Variants in TNFRSF17 observed in about 807,000 individuals in gnomAD.
TNFRSF17 encodes tumor necrosis factor receptor superfamily member 17.
In TNFRSF17, 13 loss-of-function variants were observed where a neutral mutation model predicts 9.9. The ratio of observed to expected loss-of-function variants is 1.31; its 90% CI spans 0.85 to 2.08. The LOEUF (loss-of-function observed/expected upper bound fraction) is 2.08, where lower values mean the gene tolerates loss of function less well. TNFRSF17 is among the 30% of genes most tolerant of loss of function. The pLI, the probability that TNFRSF17 is intolerant of heterozygous loss-of-function variation, is 0.00. For synonymous variants in TNFRSF17, 99 were observed against 83.7 expected (o/e 1.18, Z -1.00); for missense variants, 305 against 225.8 (o/e 1.35, Z -2.25).
intron 1 of TNFRSF17, 117 bp downstream of exon 1, chr16:11,965,571 A>G: frequency 9.2e-7 from 1 of 1,087,856 alleles, no homozygotes; most frequent in Non-Finnish European, 1.3e-6. Flanking sequence ...AATCAAAAAG[A>G]GAAAGGAAGC....
chr16:11,966,225 C>T lies in TNFRSF17; in HGVS notation c.161C>T (p.Ala54Val), dbSNP rs11570146. 198 of 1,613,336 alleles carry T rather than the reference C, an allele frequency of 1.2e-4. No individual in the cohort carries two copies. The African/African-American group carries it at 2.3e-3, about 18-fold the overall frequency. Residue 54 changes from alanine to valine, a missense_variant, in exon 2 of 3, where the codon GCG (alanine) becomes GTG (valine). Transcript: ENST00000053243. ...SVTNSVKGTN[A>V]ILWTCLGLSL... The stretch of plus-strand genomic sequence containing the variant: ...ACCAATTCAGTGAAAGGAACGAATG[C>T]GATTCTCTGGACCTGTTTGGGACTG...
chr16:11,967,209 C>T, intron 2 of TNFRSF17: 1 of 208,446 alleles, frequency 4.8e-6, no homozygotes, highest in East Asian at 1.2e-4. Flanking sequence ...ATCATGTTGG[C>T]CAGGATGGTC....
chr16:11,966,419 G>GCGTTGA, intron 2 of TNFRSF17, 78 bp downstream of exon 2: 1 of 1,448,928 alleles, frequency 6.9e-7, no homozygotes. Flanking sequence ...TCTTTTTTTA[G>GCGTTGA]CGTTGACTAT....
chr16:11,966,789 G>A lies in TNFRSF17; in HGVS notation c.277+448G>A, dbSNP rs149275706. On this transcript the variant is annotated intron_variant, in intron 2 of 2. Coordinates refer to ENST00000053243, the MANE Select transcript of TNFRSF17 (RefSeq NM_001192.3). ...TTTACTACTGAAAAATGTTAGAAAT[G>A]AATAACCAGTTGCTCCTGAATTATT... is the stretch of plus-strand genomic sequence containing the variant. 1.2e-4 allele frequency among the ~76,000 whole-genome samples: 18 copies of A among 152,182 alleles called. No individual in the cohort carries two copies. The East Asian group carries it at 3.5e-3, about 29-fold the overall frequency.
At chr16:11,967,120 C>T (rs758655805) in intron 2 of TNFRSF17, 2 of 197,810 alleles carry the variant, frequency 1.0e-5, no homozygotes, top group South Asian at 1.4e-4. Context: ...CCCATCTCAG[C>T]CTCCTGAGTA....
At chr16:11,966,824 A>T (rs11570152) in intron 2 of TNFRSF17, among the ~76,000 whole-genome samples, 21,546 of 150,600 alleles carry the variant, frequency 0.14, 1,624 homozygotes, top group South Asian at 0.2. Flanking sequence ...TTGAGGAATC[A>T]TCTAAAAAAT....
chr16:11,966,439 T>C (rs1466175978), intron 2 of TNFRSF17, 98 bp downstream of exon 2: 1 of 1,243,852 alleles, frequency 8.0e-7, no homozygotes, highest in Non-Finnish European at 1.1e-6. Context: ...TTTCACTTCG[T>C]TACAGCCCTT....
Position 11,967,961 on chromosome 16 carries a change from C to G in TNFRSF17, c.*114C>G. 2.5e-6 allele frequency: 3 copies of G among 1,218,680 alleles called. No homozygotes were observed. Among genetic ancestry groups the G allele is most frequent in the East Asian group, 2.5e-5 (1 of 40,704 alleles). The allele number at this position is 1,218,680 out of a possible 1,614,324, so 75.5% of individuals were successfully genotyped here. On this transcript the variant is annotated 3_prime_UTR_variant, in exon 3 of 3. Coordinates refer to ENST00000053243, the MANE Select transcript of TNFRSF17 (RefSeq NM_001192.3). ...TCAGTTGCCGATACAGCTTTTTGTC[C>G]TCTAACTGTGGAAACTCTTTATGTT...
At chr16:11,966,496 G>A (rs1393603289) in intron 2 of TNFRSF17, among the ~76,000 whole-genome samples, 155 bp downstream of exon 2, 1 of 152,154 alleles carries the variant, frequency 6.6e-6, no homozygotes, top group African/African-American at 2.4e-5. Flanking sequence ...TGGTAGAGGT[G>A]AGCCATCTTC....
chr16:11,967,479 A>G, intron 2 of TNFRSF17, 91 bp from the exon 3 acceptor site: 1 of 1,336,856 alleles, frequency 7.5e-7, no homozygotes, highest in Non-Finnish European at 1.0e-6. Context: ...TCTCTCTCAC[A>G]TTGCTTTGAG....
At chr16:11,965,595 T>C in intron 1 of TNFRSF17, 141 bp downstream of exon 1, 1 of 868,956 alleles carries the variant, frequency 1.2e-6, no homozygotes, top group Non-Finnish European at 1.7e-6. Context: ...GCAGTGATTT[T>C]AATGTTTATG....
Position 11,965,388 on chromosome 16 carries a change from A to C in TNFRSF17, c.64A>C (p.Ile22Leu), listed in dbSNP as rs559017949. 3.1e-6 allele frequency: 5 copies of C among 1,614,242 alleles called. No homozygotes were observed. The Admixed American group carries it at 8.3e-5, about 27-fold the overall frequency. The change falls in exon 1 of 3, where the codon ATA (isoleucine) becomes CTA (leucine). Residue 22 changes from isoleucine (I) to leucine (L), a missense_variant. Transcript: ENST00000053243. ...TTTTGACAGTTTGTTGCATGCTTGC[A>C]TACCTTGTCAACTTCGATGTTCTTC... ...EYFDSLLHACIPCQLRCSSNT... is the reference protein window; with the variant it reads ...EYFDSLLHACLPCQLRCSSNT...
At position 11,967,590 on chromosome 16, in the gene TNFRSF17, G is replaced by A; in HGVS notation, c.298G>A (p.Ala100Thr). The A allele has an allele frequency of 6.2e-7, 1 of 1,613,498 alleles. No individual in the cohort carries two copies. The highest frequency in any genetic ancestry group is 8.5e-7 in the Non-Finnish European group (1 of 1,179,560). ...ATTAGGATCAGGTCTCCTGGGCATG[G>A]CTAACATTGACCTGGAAAAGAGCAG... ...KNTGSGLLGM[A>T]NIDLEKSRTG... The change falls in exon 3 of 3, where the codon GCT (alanine) becomes ACT (threonine). Residue 100 changes from alanine to threonine, a missense_variant. Ala to Thr is a moderately conservative substitution (Grantham distance 58). Coordinates refer to ENST00000053243, the MANE Select transcript of TNFRSF17 (RefSeq NM_001192.3).
chr16:11,966,307 C>T lies in TNFRSF17; in HGVS notation c.243C>T (p.Asn81=), dbSNP rs769547668. Residue 81 remains asparagine (N), a synonymous_variant, in exon 2 of 3, where the codon AAC becomes AAT. Coordinates refer to ENST00000053243, the MANE Select transcript of TNFRSF17 (RefSeq NM_001192.3). ...TAATGTTTTTGCTAAGGAAGATAAA[C>T]TCTGAACCATTAAAGGACGAGTTTA... ...FVLMFLLRKI[N]SEPLKDEFKN... 6.2e-7 allele frequency: 1 copy of T among 1,613,470 alleles called. No individual in the cohort carries two copies. The highest frequency in any genetic ancestry group is 1.7e-5 in the Admixed American group (1 of 59,938).
chr16:11,967,470 C>T (rs2055204022), intron 2 of TNFRSF17, 100 bp from the exon 3 acceptor site: 15 of 1,266,090 alleles, frequency 1.2e-5, no homozygotes, highest in Non-Finnish European at 1.4e-5. Context: ...ATGAAAAAAT[C>T]TCTCTCACAT....
At chr16:11,967,218 T>A (rs2055201230) in intron 2 of TNFRSF17, 2 of 220,412 alleles carry the variant, frequency 9.1e-6, no homozygotes, top group Admixed American at 5.4e-5. Flanking sequence ...GCCAGGATGG[T>A]CTCAAGCTCC....
In TNFRSF17 at chr16:11,967,837, C is replaced by T. The variant is rs757620574; in HGVS notation, c.545C>T (p.Ser182Phe). 4 of 1,613,616 alleles carry T rather than the reference C, an allele frequency of 2.5e-6. No homozygotes were observed. Among genetic ancestry groups the T allele is most frequent in the Non-Finnish European group, 3.4e-6 (4 of 1,179,690 alleles). Reference sequence around the variant, plus strand: ...GCTACGGAGATAGAGAAATCAATTTCTGCTAGGTAATTAACCATTTCGACT... The same window carrying T: ...GCTACGGAGATAGAGAAATCAATTTTTGCTAGGTAATTAACCATTTCGACT... ...LSATEIEKSI[S>F]AR Residue 182 changes from serine (S) to phenylalanine (F), a missense_variant, in exon 3 of 3, where the codon TCT becomes TTT. Ser to Phe is a radical substitution (Grantham distance 155). Coordinates refer to ENST00000053243, the MANE Select transcript of TNFRSF17 (RefSeq NM_001192.3).
At chr16:11,965,665 A>AT (rs559314764) in intron 1 of TNFRSF17, among the ~76,000 whole-genome samples, 218 of 152,264 alleles carry the variant, frequency 1.4e-3, no homozygotes, top group African/African-American at 4.6e-3. Context: ...AGCAACATAG[A>AT]TTTTTTTTAA....
chr16:11,967,872 C>G lies in TNFRSF17; in HGVS notation c.*25C>G, dbSNP rs1256833406. On this transcript the variant is annotated 3_prime_UTR_variant, in exon 3 of 3. Transcript: ENST00000053243. ...ATTAACCATTTCGACTCGAGCAGTG[C>G]CACTTTAAAAATCTTTTGTCAGAAT... 2 of 1,603,228 alleles carry G rather than the reference C, an allele frequency of 1.2e-6. No individual in the cohort carries two copies. The highest frequency in any genetic ancestry group is 3.4e-5 in the Admixed American group (2 of 58,514).
Sources: allele counts gnomAD v4.1 joint callset (sites outside exome capture counted in the v4.1 genomes callset), GRCh38; gene constraint gnomAD v4.1.1; transcripts MANE v1.5; gene names NCBI Gene and HGNC (gene_info 2026-07-23, HGNC 2026-07-21).